Variants in OVCH2 observed in about 807,000 individuals in gnomAD.
The protein encoded by OVCH2 is ovochymase 2, also known as ovochymase-2.
OVCH2 carries 88 observed loss-of-function variants against 73.7 expected under a neutral mutation model. That is an observed-to-expected ratio of 1.19 (90% CI 1.01 to 1.43). The LOEUF is 1.43. OVCH2 is among the 40% of genes most tolerant of loss of function. The probability of loss-of-function intolerance (pLI) is 0.00; values close to 1 mark genes in which losing one functional copy is unlikely to be tolerated. For synonymous variants in OVCH2, 265 were observed against 234.5 expected, an observed-to-expected ratio of 1.13 and a Z score of -1.19; for missense variants, 706 against 674.5, an observed-to-expected ratio of 1.05 and a Z score of -0.52.
the OVCH2 span, among the ~76,000 whole-genome samples, chr11:7,681,232 A>G: frequency 6.6e-6 from 1 of 152,230 alleles, no homozygotes; most frequent in South Asian, 2.1e-4. Context: ...TTCTTAAATC[A>G]GTTTCATTAG....
Position 7,696,508 on chromosome 11 carries a change from G to C in OVCH2, c.1098C>G (p.His366Gln), listed in dbSNP as rs1251987991. ...AAGAATACATTGACAGGTAACTGTG[G>C]TGACAAGACTCAACATCTAGGTGGG... ...SFSHLDVESCHHSYLSMYSLE... is the reference protein window; with the variant it reads ...SFSHLDVESCQHSYLSMYSLE... Residue 366 changes from histidine to glutamine, a missense_variant, in exon 10 of 16, where the codon CAC becomes CAG. Physicochemically the swap from His to Gln is conservative, Grantham distance 24. Coordinates refer to ENST00000533663, the MANE Select transcript of OVCH2 (RefSeq NM_198185.7). 1 of 1,614,016 alleles carries C rather than the reference G, an allele frequency of 6.2e-7. No homozygotes were observed. The highest frequency in any genetic ancestry group is 8.5e-7 in the Non-Finnish European group (1 of 1,179,896).
intron 2 of OVCH2, among the ~76,000 whole-genome samples, 200 bp from the exon 3 acceptor site, chr11:7,703,989 A>G (rs1856490557): frequency 6.6e-6 from 1 of 152,216 alleles, no homozygotes; most frequent in Admixed American, 6.5e-5. Context: ...GATGAGAGGT[A>G]GTTAATTTGA....
At chr11:7,694,617 GT>G (rs988298198) in intron 12 of OVCH2, among the ~76,000 whole-genome samples, 1 of 23,434 alleles carries the variant, frequency 4.3e-5, no homozygotes, top group Non-Finnish European at 9.6e-5. Context: ...TTTTTGTTTT[GT>G]TTTGTTTTGT....
chr11:7,681,901 C>T, the OVCH2 span, among the ~76,000 whole-genome samples: 1 of 151,508 alleles, frequency 6.6e-6, no homozygotes, highest in South Asian at 2.1e-4. Context: ...TTCCAGACTC[C>T]TACTTAAACA....
At chr11:7,697,137 G>C (rs1361206844) in intron 8 of OVCH2, among the ~76,000 whole-genome samples, 1 of 152,070 alleles carries the variant, frequency 6.6e-6, no homozygotes, top group Non-Finnish European at 1.5e-5. Context: ...CCTGGGCTCA[G>C]GCAATCCTCC....
downstream of OVCH2, among the ~76,000 whole-genome samples, chr11:7,686,798 T>C (rs1489727557): frequency 6.6e-6 from 1 of 152,198 alleles, no homozygotes; most frequent in Non-Finnish European, 1.5e-5. Flanking sequence ...AAATTGTCTA[T>C]AGTGTATCCC....
intron 11 of OVCH2, 121 bp downstream of exon 11, chr11:7,695,449 T>C (rs1362541928): frequency 1.4e-5 from 15 of 1,072,256 alleles, no homozygotes; most frequent in African/African-American, 1.6e-5. Context: ...CCTGTGCCCC[T>C]CTCCCATGTG....
rs765750772 is a variant in OVCH2, at chr11:7,702,327, T to A, written c.293A>T (p.Asn98Ile). The change falls in exon 4 of 16, where the codon AAC becomes ATC. Residue 98 changes from asparagine (N) to isoleucine (I), a missense_variant and splice_region_variant. Asn to Ile is a moderately radical substitution (Grantham distance 149, BLOSUM62 -3). Coordinates refer to ENST00000533663, the MANE Select transcript of OVCH2 (RefSeq NM_198185.7). ...AGTAACATTCAAAGTAGACACAATG[T>A]TTCTATGGAAAGCAAAGAGTAAAAT... ...ITAAHCIANR[N>I]IVSTLNVTAG... is the part of the protein sequence containing the mutation. 1 of 1,585,486 alleles carries A rather than the reference T, an allele frequency of 6.3e-7. No individual in the cohort carries two copies. The highest frequency in any genetic ancestry group is 8.5e-7 in the Non-Finnish European group (1 of 1,169,838).
In OVCH2 at chr11:7,694,531, T is replaced by C. The variant is rs538323531; in HGVS notation, c.1413+527A>G. Among the ~76,000 whole-genome samples, 5 of 152,304 alleles carry C rather than the reference T, an allele frequency of 3.3e-5. No individual in the cohort carries two copies. The South Asian group carries it at 1.0e-3, about 32-fold the overall frequency. Reference sequence around the variant, plus strand: ...TGATTTTGTTATCTATAACTTACAATGTGTTTTGTGAGCAGTTTAATAAAT... The same window carrying C: ...TGATTTTGTTATCTATAACTTACAACGTGTTTTGTGAGCAGTTTAATAAAT... On this transcript the variant is annotated intron_variant, in intron 12 of 15. Transcript: ENST00000533663.
In OVCH2 at chr11:7,702,207, G is replaced by T. The variant is rs1466085810; in HGVS notation, c.413C>A (p.Pro138Gln). Residue 138 changes from proline (P) to glutamine (Q), a missense_variant, in exon 4 of 16, where the codon CCA (proline) becomes CAA (glutamine). Coordinates refer to ENST00000533663, the MANE Select transcript of OVCH2 (RefSeq NM_198185.7). ...IIHPHFSTKK[P>Q]MDYDIALLKM... ...CAAAAGGGCAATATCATAGTCCATT[G>T]GTTTCTTGGTGGAGAAATGTGGATG... 3 of 1,612,420 alleles carry T rather than the reference G, an allele frequency of 1.9e-6. No homozygotes were observed. The highest frequency in any genetic ancestry group is 8.5e-7 in the Non-Finnish European group (1 of 1,179,320).
chr11:7,690,802 T>G (rs550823173), intron 14 of OVCH2, among the ~76,000 whole-genome samples: 2 of 152,184 alleles, frequency 1.3e-5, no homozygotes, highest in Non-Finnish European at 2.9e-5. Flanking sequence ...TTCTTTTTAT[T>G]GGTGACCTCA....
intron 11 of OVCH2, 44 bp from the exon 12 acceptor site, chr11:7,695,232 A>G (rs1463876022): frequency 2.6e-6 from 4 of 1,518,930 alleles, no homozygotes; most frequent in Admixed American, 2.4e-5. Context: ...CCATTCAAAT[A>G]AAGAAGAATT....
At chr11:7,696,861 C>A in intron 8 of OVCH2, 62 bp from the exon 9 acceptor site, 1 of 1,465,488 alleles carries the variant, frequency 6.8e-7, no homozygotes. Context: ...CAGCCCCTCC[C>A]TCCAGAAGCT....
the OVCH2 span, among the ~76,000 whole-genome samples, chr11:7,682,470 G>C: frequency 6.6e-6 from 1 of 152,370 alleles, no homozygotes; most frequent in African/African-American, 2.4e-5. Flanking sequence ...GGCTATGACT[G>C]GGTCATTGGT....
rs1027773910 is a variant in OVCH2 at position 7,692,090 on chromosome 11, G to A, written c.1414-95C>T. The A allele has an allele frequency of 5.9e-6, 5 of 845,450 alleles. No homozygotes were observed. In the Admixed American group the frequency reaches 1.0e-4, roughly 18 times the overall value. 52.4% of individuals were successfully genotyped at this position (845,450 alleles called of 1,614,324 possible). A position where few individuals can be genotyped will look rare whatever the true frequency, so the allele number is the denominator to read the frequency against. ...AAATTTGGATTGCTCAACTTGTTCTGGAGTAAGACCTTAGATAAGAAAGTT... is the reference window on the plus strand; with the variant it reads ...AAATTTGGATTGCTCAACTTGTTCTAGAGTAAGACCTTAGATAAGAAAGTT... On this transcript the variant is annotated intron_variant, in intron 12 of 15. Coordinates refer to ENST00000533663, the MANE Select transcript of OVCH2 (RefSeq NM_198185.7).
intron 3 of OVCH2, 109 bp downstream of exon 3, chr11:7,703,589 C>T: frequency 1.2e-6 from 1 of 866,302 alleles, no homozygotes; most frequent in South Asian, 1.9e-5. Flanking sequence ...TCTGTTAAAC[C>T]AATACTCACC....
chr11:7,683,531 C>T, the OVCH2 span, among the ~76,000 whole-genome samples: 3 of 152,190 alleles, frequency 2.0e-5, no homozygotes, highest in Non-Finnish European at 4.4e-5. Context: ...CTTTCCCTCT[C>T]CTGCAGTCTA....
At chr11:7,701,045 C>A (rs1265028509) in intron 6 of OVCH2, among the ~76,000 whole-genome samples, 2 of 152,148 alleles carry the variant, frequency 1.3e-5, no homozygotes, top group Admixed American at 1.3e-4. Flanking sequence ...ACTCCTAACC[C>A]TTCTTTCCAG....
intron 8 of OVCH2, 155 bp from the exon 9 acceptor site, chr11:7,696,954 C>T (rs760478361): frequency 5.4e-5 from 36 of 668,702 alleles, no homozygotes; most frequent in Non-Finnish European, 8.3e-5. Flanking sequence ...TCTATGATGC[C>T]TTTTTGGTTC....
Sources: gnomAD v4.1 joint callset for allele counts (sites outside exome capture counted in the v4.1 genomes callset) on GRCh38, gnomAD v4.1.1 for gene constraint, MANE v1.5 for transcripts, NCBI Gene and HGNC (gene_info 2026-07-23, HGNC 2026-07-21) for gene names.